Variants in NALCN observed in about 807,000 individuals in gnomAD.
The protein encoded by NALCN is sodium leak channel NALCN.
In NALCN, 111 loss-of-function variants were observed where a neutral mutation model predicts 225.3. The ratio of observed to expected loss-of-function variants is 0.49; its 90% CI spans 0.42 to 0.58. The LOEUF is 0.58. Among genes scored for constraint, NALCN ranks in the 20% least tolerant of loss-of-function variants. The pLI is 0.00. For missense variants in NALCN, 1,378 were observed against 2,202.4 expected, an observed-to-expected ratio of 0.63 and a Z score of 7.49; for synonymous variants, 764 against 769.0, an observed-to-expected ratio of 0.99 and a Z score of 0.11.
At chr13:101,298,475 C>T (rs578256410) in intron 7 of NALCN, among the ~76,000 whole-genome samples, 2 of 152,250 alleles carry the variant, frequency 1.3e-5, no homozygotes, top group East Asian at 3.9e-4. Context: ...GCACATGCCA[C>T]CACGCCTGGC....
intron 15 of NALCN, 86 bp from the exon 16 acceptor site, chr13:101,144,982 CA>C (rs2037276747): frequency 1.4e-6 from 2 of 1,401,290 alleles, no homozygotes; most frequent in African/African-American, 2.9e-5. Flanking sequence ...AGAATGGAAG[CA>C]ATAAGTAATT....
At chr13:101,086,001 T>A (rs1053900313) in intron 30 of NALCN, among the ~76,000 whole-genome samples, 79 of 152,220 alleles carry the variant, frequency 5.2e-4, no homozygotes, top group African/African-American at 1.8e-3. Flanking sequence ...AAGTCTAATT[T>A]TCTATACCTA....
At chr13:101,115,071 A>C (rs555233604) in intron 18 of NALCN, among the ~76,000 whole-genome samples, 1 of 152,312 alleles carries the variant, frequency 6.6e-6, no homozygotes, top group South Asian at 2.1e-4. Context: ...AATTCCGTGA[A>C]GATCAAATAT....
At chr13:101,131,520 T>TC (rs975186240) in intron 17 of NALCN, among the ~76,000 whole-genome samples, 11 of 152,076 alleles carry the variant, frequency 7.2e-5, no homozygotes, top group African/African-American at 2.7e-4. Context: ...CCAATCCTCC[T>TC]CCCCCCACAA....
chr13:101,108,235 A>G (rs747135000), intron 20 of NALCN, among the ~76,000 whole-genome samples: 1 of 151,964 alleles, frequency 6.6e-6, no homozygotes, highest in Non-Finnish European at 1.5e-5. Flanking sequence ...TACATATTTA[A>G]TGGCCACAGT....
At chr13:101,392,265 A>G (rs1238088690) in intron 3 of NALCN, among the ~76,000 whole-genome samples, 1 of 152,100 alleles carries the variant, frequency 6.6e-6, no homozygotes, top group Non-Finnish European at 1.5e-5. Context: ...AATTTAAAAT[A>G]AGGAAAATAA....
At chr13:101,387,285 T>C (rs1306669528) in intron 3 of NALCN, among the ~76,000 whole-genome samples, 4 of 148,924 alleles carry the variant, frequency 2.7e-5, no homozygotes, top group East Asian at 1.9e-4. Context: ...CACTGGCATA[T>C]GTGTACATCA....
intron 6 of NALCN, among the ~76,000 whole-genome samples, chr13:101,362,636 C>G (rs1188493839): frequency 6.6e-6 from 1 of 152,006 alleles, no homozygotes; most frequent in Admixed American, 6.6e-5. Flanking sequence ...TAACATCATA[C>G]CAAAGGCGGA....
chr13:101,136,950 C>T (rs933885689), intron 17 of NALCN, among the ~76,000 whole-genome samples: 1 of 152,186 alleles, frequency 6.6e-6, no homozygotes, highest in African/African-American at 2.4e-5. Flanking sequence ...TTCTCCACAT[C>T]CTCTCCAGCA....
At chr13:101,092,315 C>T (rs1014879759) in intron 28 of NALCN, among the ~76,000 whole-genome samples, 5 of 152,156 alleles carry the variant, frequency 3.3e-5, no homozygotes, top group African/African-American at 1.2e-4. Flanking sequence ...CGTGACTGAG[C>T]GTCTGCCCTT....
rs755141858 is a variant in NALCN at position 101,283,959 on chromosome 13, G to T, written c.1108C>A (p.Gln370Lys). Residue 370 changes from glutamine to lysine, a missense_variant, in exon 10 of 44, where the codon CAG becomes AAG. By Grantham distance (53) the Gln-to-Lys change is moderately conservative (BLOSUM62 1). Transcript: ENST00000251127. ...QLVAVDVNKP[Q>K]GRAPACLQKM... ...TGGAGGCAGGCTGGGGCGCGTCCCT[G>T]GGGCTTGTTGACATCCACAGCTACC... The T allele has an allele frequency of 1.9e-6, 3 of 1,613,576 alleles. No homozygotes were observed. The Admixed American group carries it at 5.0e-5, about 27-fold the overall frequency.
chr13:101,316,584 G>A (rs1441620045), intron 7 of NALCN, among the ~76,000 whole-genome samples: 8 of 152,136 alleles, frequency 5.3e-5, no homozygotes, highest in Non-Finnish European at 1.2e-4. Flanking sequence ...ATTTTCTTAA[G>A]TTCAAACATC....
At chr13:101,328,498 T>C (rs1043590814) in intron 7 of NALCN, among the ~76,000 whole-genome samples, 4 of 152,120 alleles carry the variant, frequency 2.6e-5, no homozygotes, top group African/African-American at 9.7e-5. Flanking sequence ...ATTTTTAAAT[T>C]ACATTGTATA....
chr13:101,385,288 C>G (rs2046955983), intron 3 of NALCN, among the ~76,000 whole-genome samples: 1 of 152,122 alleles, frequency 6.6e-6, no homozygotes, highest in African/African-American at 2.4e-5. Context: ...ACCCCTGCCA[C>G]AGACCACACT....
intron 6 of NALCN, among the ~76,000 whole-genome samples, chr13:101,372,035 T>C (rs561135069): frequency 1.3e-5 from 2 of 152,316 alleles, no homozygotes; most frequent in Non-Finnish European, 2.9e-5. Flanking sequence ...TTTAGAGTTA[T>C]GATTACTGAA....
At chr13:101,216,137 T>C (rs1349161046) in intron 13 of NALCN, among the ~76,000 whole-genome samples, 1 of 152,068 alleles carries the variant, frequency 6.6e-6, no homozygotes, top group Admixed American at 6.6e-5. Flanking sequence ...AAGAATGTAT[T>C]ATATATGCAA....
chr13:101,099,076 T>C (rs183115881), intron 27 of NALCN, among the ~76,000 whole-genome samples: 2 of 151,844 alleles, frequency 1.3e-5, no homozygotes, highest in East Asian at 3.9e-4. Context: ...CCACTGTTAA[T>C]ATACTGAGTC....
intron 6 of NALCN, among the ~76,000 whole-genome samples, chr13:101,346,294 C>T (rs2045736243): frequency 6.6e-6 from 1 of 151,750 alleles, no homozygotes; most frequent in Non-Finnish European, 1.5e-5. Context: ...CAGACTGAGA[C>T]CCAGATAAGC....
chr13:101,140,293 C>T (rs2037008429), intron 17 of NALCN, among the ~76,000 whole-genome samples: 1 of 152,190 alleles, frequency 6.6e-6, no homozygotes, highest in South Asian at 2.1e-4. Flanking sequence ...CTTTAGACTC[C>T]TCCTCAGCCC....
Sources: allele counts gnomAD v4.1 joint callset (sites outside exome capture counted in the v4.1 genomes callset), GRCh38; gene constraint gnomAD v4.1.1; transcripts MANE v1.5; gene names NCBI Gene and HGNC (gene_info 2026-07-23, HGNC 2026-07-21).